Variants in CFAP92 observed in about 807,000 individuals in gnomAD.
CFAP92 encodes cilia and flagella associated protein 92 (putative), also known as uncharacterized protein CFAP92.
Under a neutral mutation model 106.3 loss-of-function variants are expected in CFAP92, and 86 were observed. The observed-to-expected ratio is 0.81, with a 90% CI of 0.68 to 0.97. The LOEUF is 0.97. CFAP92 is among the 50% of genes least tolerant of loss of function. The pLI, the probability that CFAP92 is intolerant of heterozygous loss-of-function variation, is 0.00. For missense variants in CFAP92, 1,204 were observed against 1,283.8 expected (o/e 0.94, Z 0.95); for synonymous variants, 477 against 506.4 (o/e 0.94, Z 0.78).
the CFAP92 span, among the ~76,000 whole-genome samples, chr3:129,015,403 T>C: frequency 1.3e-5 from 2 of 152,098 alleles, no homozygotes; most frequent in South Asian, 4.1e-4. Context: ...GATGACTTCA[T>C]TGAGGTCTGC....
intron 12 of CFAP92, among the ~76,000 whole-genome samples, chr3:128,919,901 CTGAT>C (rs1397659384): frequency 6.6e-6 from 1 of 152,198 alleles, no homozygotes; most frequent in Non-Finnish European, 1.5e-5. Flanking sequence ...AAGCCTGACT[CTGAT>C]TAAGGAGATT....
upstream of CFAP92, among the ~76,000 whole-genome samples, chr3:129,003,044 A>G (rs1944873936): frequency 1.3e-5 from 2 of 152,210 alleles, no homozygotes. Flanking sequence ...CGCAGGGGTC[A>G]GAGGAGGAAA....
At position 128,916,124 on chromosome 3, in the gene CFAP92, A is replaced by G; in HGVS notation, c.2899T>C (p.Tyr967His). The G allele has an allele frequency of 8.1e-7, 1 of 1,232,246 alleles. No individual in the cohort carries two copies. The highest frequency in any genetic ancestry group is 1.0e-6 in the Non-Finnish European group (1 of 988,056). The allele number at this position is 1,232,246 out of a possible 1,614,324, so 76.3% of individuals were successfully genotyped here. A position where few individuals can be genotyped will look rare whatever the true frequency, so the allele number is the denominator to read the frequency against. Residue 967 changes from tyrosine to histidine, a missense_variant, in exon 13 of 16, where the codon TAT becomes CAT. Transcript: ENST00000645291. ...NSTELAKKEL[Y>H]QEIAKEPRKR... is the part of the protein sequence containing the mutation. Reference sequence around the variant, plus strand: ...TCTCTCACCTTGGCTATCTCTTGATACAGCTCCTTCTTGGCAAGCTCTGTA... The same window carrying G: ...TCTCTCACCTTGGCTATCTCTTGATGCAGCTCCTTCTTGGCAAGCTCTGTA...
chr3:128,980,232 T>C (rs1943441472), intron 4 of CFAP92, among the ~76,000 whole-genome samples: 1 of 151,558 alleles, frequency 6.6e-6, no homozygotes, highest in Non-Finnish European at 1.5e-5. Flanking sequence ...CTGGGCATGG[T>C]GGCATGCACC....
chr3:128,938,164 C>T (rs865948957), intron 10 of CFAP92, among the ~76,000 whole-genome samples: 22 of 147,266 alleles, frequency 1.5e-4, no homozygotes, highest in Middle Eastern at 3.5e-3. Context: ...GTGGGGGGGT[C>T]AAGGCTGCAG....
the CFAP92 span, among the ~76,000 whole-genome samples, chr3:129,015,584 G>A: frequency 6.6e-6 from 1 of 150,592 alleles, no homozygotes; most frequent in African/African-American, 2.4e-5. Context: ...CACCCTGCAC[G>A]GCGCCCCCGA....
At position 128,915,511 on chromosome 3, in the gene CFAP92, T is replaced by C. The variant is rs764981494; in HGVS notation, c.2969A>G (p.Glu990Gly). Reference protein sequence around the residue: ...YSQDYLSAMVEPLDLKEEEKK... With the variant: ...YSQDYLSAMVGPLDLKEEEKK... The stretch of plus-strand genomic sequence containing the variant: ...CTCCTCTTCCTTCAAGTCCAGGGGC[T>C]CCACCATGGCTGAGAGGTAATCCTG... The change falls in exon 14 of 16, where the codon GAG becomes GGG. Residue 990 changes from glutamate (E) to glycine (G), a missense_variant. Transcript: ENST00000645291. 5.2e-6 allele frequency: 8 copies of C among 1,535,740 alleles called. No homozygotes were observed. In the East Asian group the frequency reaches 1.5e-4, roughly 28 times the overall value.
At chr3:128,997,118 C>T (rs1029477840), upstream of CFAP92, among the ~76,000 whole-genome samples, 2 of 152,184 alleles carry the variant, frequency 1.3e-5, no homozygotes, top group Non-Finnish European at 2.9e-5. Flanking sequence ...GACAAGCATC[C>T]AGGGGCAGGA....
At chr3:128,956,387 G>A (rs1229903792) in intron 9 of CFAP92, among the ~76,000 whole-genome samples, 2 of 151,838 alleles carry the variant, frequency 1.3e-5, no homozygotes, top group African/African-American at 4.8e-5. Context: ...AAAAGGTGGT[G>A]CTGAAAAGTA....
intron 9 of CFAP92, among the ~76,000 whole-genome samples, chr3:128,948,193 T>C (rs1283946796): frequency 1.3e-5 from 2 of 151,444 alleles, no homozygotes; most frequent in Non-Finnish European, 2.9e-5. Flanking sequence ...ACATTTATTA[T>C]ATATATATAT....
At chr3:128,960,242 G>A (rs946952704) in intron 9 of CFAP92, among the ~76,000 whole-genome samples, 1 of 152,182 alleles carries the variant, frequency 6.6e-6, no homozygotes, top group East Asian at 1.9e-4. Flanking sequence ...TCACACGGAC[G>A]CGCATGAAAT....
upstream of CFAP92, chr3:129,003,200 G>A (rs568532153): frequency 1.0e-6 from 1 of 985,118 alleles, no homozygotes; most frequent in African/African-American, 1.7e-5. Flanking sequence ...GGTGGAGGCG[G>A]GAAACTACTC....
chr3:129,016,835 A>C, the CFAP92 span, among the ~76,000 whole-genome samples: 32 of 152,108 alleles, frequency 2.1e-4, no homozygotes, highest in African/African-American at 7.7e-4. Context: ...ACCTTATTGC[A>C]CTCCCAAGCA....
chr3:128,956,242 A>G (rs1272174790), intron 9 of CFAP92, among the ~76,000 whole-genome samples: 46 of 149,262 alleles, frequency 3.1e-4, no homozygotes, highest in Non-Finnish European at 3.4e-4. Context: ...AATAGAAAGA[A>G]AAAAAGAAAT....
rs769529395 is a variant in CFAP92 at position 128,910,753 on chromosome 3, A to C, written c.3281-420T>G. ...TCGGTTCTGGCAGGTTCTCTTGGCCAACACCTTCTGCGTGGAAGCTTACTT... is the reference window on the plus strand; with the variant it reads ...TCGGTTCTGGCAGGTTCTCTTGGCCCACACCTTCTGCGTGGAAGCTTACTT... On this transcript the variant is annotated intron_variant, in intron 15 of 15. Coordinates refer to ENST00000645291, the MANE Select transcript of CFAP92 (RefSeq NM_001394090.1). 9 of 1,614,060 alleles carry C rather than the reference A, an allele frequency of 5.6e-6. No individual in the cohort carries two copies. Among genetic ancestry groups the C allele is most frequent in the Non-Finnish European group, 7.6e-6 (9 of 1,180,040 alleles).
chr3:129,015,105 C>T, the CFAP92 span, among the ~76,000 whole-genome samples: 2 of 152,184 alleles, frequency 1.3e-5, no homozygotes, highest in African/African-American at 4.8e-5. Context: ...TCGGGCTCGC[C>T]CACTCACAAC....
At chr3:128,963,199 C>T (rs1483341963) in intron 9 of CFAP92, among the ~76,000 whole-genome samples, 1 of 152,200 alleles carries the variant, frequency 6.6e-6, no homozygotes, top group Non-Finnish European at 1.5e-5. Context: ...TCCCAAACCT[C>T]AATCCCTTAC....
chr3:128,930,772 ACTTC>A (rs1938276252), intron 12 of CFAP92, among the ~76,000 whole-genome samples: 3 of 152,148 alleles, frequency 2.0e-5, no homozygotes, highest in East Asian at 1.9e-4. Flanking sequence ...AATTTAAAAC[ACTTC>A]CTTGTTATGT....
chr3:129,016,786 C>A, the CFAP92 span, among the ~76,000 whole-genome samples: 1 of 152,136 alleles, frequency 6.6e-6, no homozygotes, highest in Non-Finnish European at 1.5e-5. Flanking sequence ...TGAGCACTCA[C>A]TGGGTGTTAG....
Sources: allele counts gnomAD v4.1 joint callset (sites outside exome capture counted in the v4.1 genomes callset), GRCh38; gene constraint gnomAD v4.1.1; transcripts MANE v1.5; gene names NCBI Gene and HGNC (gene_info 2026-07-23, HGNC 2026-07-21).